Variants in HPSE2 observed in about 807,000 individuals in gnomAD.
HPSE2 encodes the protein inactive heparanase-2.
Under a neutral mutation model 60.5 loss-of-function variants are expected in HPSE2, and 38 were observed. The observed-to-expected ratio is 0.63, with a 90% CI of 0.48 to 0.82. HPSE2 has a LOEUF of 0.82. HPSE2 is among the 40% of genes least tolerant of loss of function. HPSE2 has a pLI of 0.00. For missense variants in HPSE2, 713 were observed against 740.4 expected, an observed-to-expected ratio of 0.96 and a Z score of 0.43; for synonymous variants, 295 against 293.2, an observed-to-expected ratio of 1.01 and a Z score of -0.06.
At chr10:98,871,104 C>T (rs1168161827) in intron 3 of HPSE2, among the ~76,000 whole-genome samples, 1 of 152,064 alleles carries the variant, frequency 6.6e-6, no homozygotes, top group East Asian at 1.9e-4. Context: ...GCCTGCAGAA[C>T]CAAGAGCCAA....
chr10:98,767,826 T>C lies in HPSE2; in HGVS notation c.611-23770A>G, dbSNP rs547850957. On this transcript the variant is annotated intron_variant, in intron 3 of 11. Coordinates refer to ENST00000370552, the MANE Select transcript of HPSE2 (RefSeq NM_021828.5). ...ATATACTATACACTTATTTAATATA[T>C]ATTACTATATAAACATTTATATCCT... 2.8e-4 allele frequency among the ~76,000 whole-genome samples: 41 copies of C among 146,470 alleles called. No homozygotes were observed. The South Asian group carries it at 7.6e-3, about 27-fold the overall frequency.
intron 3 of HPSE2, among the ~76,000 whole-genome samples, chr10:99,088,443 G>A (rs930992314): frequency 2.6e-5 from 4 of 152,166 alleles, no homozygotes; most frequent in Non-Finnish European, 5.9e-5. Flanking sequence ...CCACCTGAGT[G>A]AGAACATAAC....
the HPSE2 span, among the ~76,000 whole-genome samples, chr10:99,278,962 C>T: frequency 6.6e-6 from 1 of 152,072 alleles, no homozygotes; most frequent in Admixed American, 6.6e-5. Context: ...AAGTATTTCC[C>T]TTTCAAAAAA....
intron 3 of HPSE2, among the ~76,000 whole-genome samples, chr10:99,141,219 G>A (rs1457499414): frequency 4.6e-5 from 7 of 152,082 alleles, no homozygotes; most frequent in Non-Finnish European, 8.8e-5. Flanking sequence ...TGAGTGACAT[G>A]CACAATAACA....
the HPSE2 span, among the ~76,000 whole-genome samples, chr10:99,301,902 G>A: frequency 3.3e-5 from 5 of 151,486 alleles, no homozygotes; most frequent in South Asian, 2.1e-4. Context: ...AACTCTTAAC[G>A]TATGTAAAAT....
chr10:99,048,364 C>T, intron 3 of HPSE2: 1 of 251,498 alleles, frequency 4.0e-6, no homozygotes, highest in Non-Finnish European at 7.7e-6. Context: ...TGCTCTCAAA[C>T]TGAAAAAAAA....
intron 3 of HPSE2, among the ~76,000 whole-genome samples, chr10:98,792,368 CTCAT>C (rs1950673848): frequency 6.6e-6 from 1 of 152,078 alleles, no homozygotes; most frequent in African/African-American, 2.4e-5. Context: ...CTTTGTTCTT[CTCAT>C]TCAATTTCCT....
At chr10:98,731,467 C>G (rs995614599) in intron 4 of HPSE2, among the ~76,000 whole-genome samples, 6 of 152,098 alleles carry the variant, frequency 3.9e-5, no homozygotes, top group Non-Finnish European at 8.8e-5. Flanking sequence ...AATATTAAAG[C>G]CTTTTAACTA....
At chr10:98,833,067 AT>A (rs1462720122) in intron 3 of HPSE2, among the ~76,000 whole-genome samples, 5 of 152,194 alleles carry the variant, frequency 3.3e-5, no homozygotes, top group Non-Finnish European at 7.4e-5. Context: ...AGTTTCACTA[AT>A]ACTCTTCTTT....
chr10:98,729,522 T>C (rs1486919928), intron 4 of HPSE2, among the ~76,000 whole-genome samples: 1 of 152,068 alleles, frequency 6.6e-6, no homozygotes, highest in Non-Finnish European at 1.5e-5. Context: ...GGCAGGAGAA[T>C]GGCGTGAACC....
At chr10:98,993,164 A>C (rs1185487056) in intron 3 of HPSE2, among the ~76,000 whole-genome samples, 1 of 152,242 alleles carries the variant, frequency 6.6e-6, no homozygotes, top group East Asian at 1.9e-4. Flanking sequence ...CAAGGAACAT[A>C]GAGCAGGGAG....
chr10:98,649,142 T>G (rs1034320428), intron 6 of HPSE2, among the ~76,000 whole-genome samples: 1 of 152,146 alleles, frequency 6.6e-6, no homozygotes, highest in African/African-American at 2.4e-5. Context: ...GTTTGTAAAT[T>G]GGGGGTTGCT....
intron 3 of HPSE2, among the ~76,000 whole-genome samples, chr10:99,117,896 T>C (rs1378591201): frequency 1.3e-5 from 2 of 152,098 alleles, no homozygotes; most frequent in Admixed American, 6.5e-5. Context: ...TGCCAAAACA[T>C]AGCAGAGACA....
chr10:98,754,259 C>T (rs1472377858), intron 3 of HPSE2, among the ~76,000 whole-genome samples: 1 of 152,076 alleles, frequency 6.6e-6, no homozygotes, highest in Admixed American at 6.6e-5. Context: ...GAAAGAATCT[C>T]AGAGCTCGAA....
At chr10:98,922,155 T>C (rs1207988063) in intron 3 of HPSE2, among the ~76,000 whole-genome samples, 1 of 152,256 alleles carries the variant, frequency 6.6e-6, no homozygotes, top group Non-Finnish European at 1.5e-5. Flanking sequence ...TATAAAATTA[T>C]TAATGTGATT....
At chr10:98,985,053 T>A (rs1198561259) in intron 3 of HPSE2, among the ~76,000 whole-genome samples, 1 of 152,218 alleles carries the variant, frequency 6.6e-6, no homozygotes, top group Non-Finnish European at 1.5e-5. Context: ...TGGAACCAAG[T>A]TGGAAAACAC....
At chr10:98,737,671 T>C (rs935473602) in intron 4 of HPSE2, among the ~76,000 whole-genome samples, 7 of 152,108 alleles carry the variant, frequency 4.6e-5, no homozygotes, top group Admixed American at 2.0e-4. Context: ...AGCATTCCTA[T>C]ACATCAATAA....
At chr10:98,466,525 C>G (rs1371459658) in intron 11 of HPSE2, among the ~76,000 whole-genome samples, 1 of 151,092 alleles carries the variant, frequency 6.6e-6, no homozygotes, top group South Asian at 2.1e-4. Flanking sequence ...GCAGGAGAAT[C>G]GCTTGAACTC....
chr10:98,584,352 C>T lies in HPSE2; in HGVS notation c.1320+30552G>A, dbSNP rs894068893. 2.0e-5 allele frequency among the ~76,000 whole-genome samples: 3 copies of T among 152,178 alleles called. No homozygotes were observed. The East Asian group carries it at 5.8e-4, about 29-fold the overall frequency. ...AATAAGAAATTGGATGGTTGGGTTG[C>T]AGGAATCAAAACTATAGCCACACCT... On this transcript the variant is annotated intron_variant, in intron 9 of 11. Coordinates refer to ENST00000370552, the MANE Select transcript of HPSE2 (RefSeq NM_021828.5).
Sources: gnomAD v4.1 joint callset for allele counts (sites outside exome capture counted in the v4.1 genomes callset) on GRCh38, gnomAD v4.1.1 for gene constraint, MANE v1.5 for transcripts, NCBI Gene and HGNC (gene_info 2026-07-23, HGNC 2026-07-21) for gene names.